Variants in MYO15B observed in about 807,000 individuals in gnomAD.
MYO15B encodes myosin XVB pseudogene.
In MYO15B, 207 loss-of-function variants were observed where a neutral mutation model predicts 119.3. The ratio of observed to expected loss-of-function variants is 1.73; its 90% CI spans 1.55 to 1.95. The LOEUF is 1.95. Ranked by LOEUF, MYO15B falls within the 30% of genes most tolerant of loss-of-function variation. MYO15B has a pLI of 0.00. For missense variants in MYO15B, 2,264 were observed against 1,203.1 expected, an observed-to-expected ratio of 1.88 and a Z score of -13.04; for synonymous variants, 966 against 498.9, an observed-to-expected ratio of 1.94 and a Z score of -12.48.
At chr17:75,614,270 G>C in exon 30 of MYO15B, 1 of 702,814 alleles carries the variant, frequency 1.4e-6, no homozygotes, top group Non-Finnish European at 2.6e-6. Context: ...GACTTGGCTG[G>C]CTGCGACTTT....
At chr17:75,626,545 A>G in exon 64 of MYO15B, 1 of 702,058 alleles carries the variant, frequency 1.4e-6, no homozygotes, top group South Asian at 1.5e-5. Flanking sequence ...TCTCACCCAC[A>G]TGGTCTGCCT....
chr17:75,614,142 GTCCT>G lies in MYO15B; in HGVS notation c.5220-55_5220-52del, dbSNP rs2058210535. The stretch of plus-strand genomic sequence containing the variant: ...CCCTGCCCCCTTGGCCCACCCTGTG[GTCCT>G]TGCCCCCTTCTGGATGGCCGCCTGC... On this transcript the variant is annotated intron_variant, in intron 29 of 63. Transcript: ENST00000645453. 4.3e-6 allele frequency: 3 copies of G among 691,272 alleles called. No homozygotes were observed. The Admixed American group carries it at 6.0e-5, about 14-fold the overall frequency. The allele number at this position is 691,272 out of a possible 1,614,324, so 42.8% of individuals were successfully genotyped here. A position where few individuals can be genotyped will look rare whatever the true frequency, so the allele number is the denominator to read the frequency against.
exon 1 of MYO15B, chr17:75,588,262 C>G: frequency 2.5e-6 from 1 of 398,244 alleles, no homozygotes; most frequent in Non-Finnish European, 4.4e-6. Flanking sequence ...CCGCAGGAAG[C>G]CCACTGCAGA....
In MYO15B at chr17:75,603,175, C is replaced by T. The variant is rs1376226896; in HGVS notation, c.3892-13C>T. On this transcript the variant is annotated splice_polypyrimidine_tract_variant and intron_variant, in intron 18 of 63. Coordinates refer to ENST00000645453, the Ensembl canonical transcript of MYO15B. ...TGACTCCAGCTGTCTTTGGCTCTGT[C>T]TTGTGGCCACAGCTTCCAGGCCTCT... The T allele has an allele frequency of 1.4e-6, 1 of 703,018 alleles. No homozygotes were observed. The highest frequency in any genetic ancestry group is 2.6e-6 in the Non-Finnish European group (1 of 385,024). 43.5% of individuals were successfully genotyped at this position (703,018 alleles called of 1,614,324 possible). A position where few individuals can be genotyped will look rare whatever the true frequency, so the allele number is the denominator to read the frequency against.
At chr17:75,626,347 C>CGG (rs943570578) in intron 63 of MYO15B, 60 bp from the exon 64 acceptor site, 29 of 701,686 alleles carry the variant, frequency 4.1e-5, no homozygotes, top group Middle Eastern at 4.6e-4. Flanking sequence ...TGCTGTGGGC[C>CGG]GGGGCAGAGG....
intron 50 of MYO15B, 22 bp from the exon 51 acceptor site, chr17:75,621,323 T>C (rs820184): frequency 0.35 from 242,618 of 690,402 alleles, 44,071 homozygotes; most frequent in Middle Eastern, 0.44. Flanking sequence ...CAAGCTGGGC[T>C]GTCTCCCTCT....
Position 75,624,364 on chromosome 17 carries a change from T to C in MYO15B, c.8368-6T>C. 1 of 702,654 alleles carries C rather than the reference T, an allele frequency of 1.4e-6. No individual in the cohort carries two copies. Among genetic ancestry groups the C allele is most frequent in the Non-Finnish European group, 2.6e-6 (1 of 384,994 alleles). 43.5% of individuals were successfully genotyped at this position (702,654 alleles called of 1,614,324 possible). A position where few individuals can be genotyped will look rare whatever the true frequency, so the allele number is the denominator to read the frequency against. On this transcript the variant is annotated splice_polypyrimidine_tract_variant and splice_region_variant and intron_variant, in intron 56 of 63. Coordinates refer to ENST00000645453, the Ensembl canonical transcript of MYO15B. The stretch of plus-strand genomic sequence containing the variant: ...GGCCGACTGACCCTGCAACCTGCCT[T>C]GGCAGAAAGGACAAGCGATTCGCCT...
chr17:75,602,362 C>T (rs2057338028), intron 15 of MYO15B, 155 bp from the exon 16 acceptor site: 1 of 700,104 alleles, frequency 1.4e-6, no homozygotes, highest in Non-Finnish European at 2.6e-6. Flanking sequence ...CAGTGGCAGA[C>T]CCAAGGCTAG....
intron 14 of MYO15B, among the ~76,000 whole-genome samples, chr17:75,599,010 A>T (rs2057068119): frequency 6.6e-6 from 1 of 152,188 alleles, no homozygotes; most frequent in Non-Finnish European, 1.5e-5. Context: ...TTGCTATTTT[A>T]TGTTCATTAG....
intron 19 of MYO15B, among the ~76,000 whole-genome samples, chr17:75,604,917 T>G (rs1181012050): frequency 6.6e-6 from 1 of 151,656 alleles, no homozygotes; most frequent in African/African-American, 2.4e-5. Context: ...GGCAGGCAGA[T>G]CACCTGAGGT....
Position 75,617,212 on chromosome 17 carries a change from A to G in MYO15B, c.6722A>G (p.Gln2241Arg), listed in dbSNP as rs987722984. The stretch of plus-strand genomic sequence containing the variant: ...GGGCCCCTTCTGGACCTGTTTGGCC[A>G]GAAGCTGCCTATTGCCCACACACCC... Residue 2241 changes from glutamine (Q) to arginine (R), a missense_variant, in exon 41 of 64, where the codon CAG becomes CGG. Transcript: ENST00000645453. 28 of 698,278 alleles carry G rather than the reference A, an allele frequency of 4.0e-5. No homozygotes were observed. In the East Asian group the frequency reaches 7.0e-4, roughly 17 times the overall value. The allele number at this position is 698,278 out of a possible 1,614,324, so 43.3% of individuals were successfully genotyped here. A position where few individuals can be genotyped will look rare whatever the true frequency, so the allele number is the denominator to read the frequency against.
intron 14 of MYO15B, among the ~76,000 whole-genome samples, chr17:75,598,880 C>T (rs1405307389): frequency 1.3e-5 from 2 of 152,066 alleles, no homozygotes; most frequent in African/African-American, 4.8e-5. Flanking sequence ...AGCAATATCA[C>T]TTAGGTCTAT....
intron 21 of MYO15B, 84 bp from the exon 22 acceptor site, chr17:75,610,082 T>G: frequency 3.5e-6 from 2 of 565,770 alleles, no homozygotes; most frequent in Non-Finnish European, 6.4e-6. Context: ...TTTACATGAA[T>G]GTCAGGCTTA....
exon 10 of MYO15B, chr17:75,594,490 G>A: frequency 1.7e-6 from 1 of 604,692 alleles, no homozygotes; most frequent in Non-Finnish European, 3.0e-6. Context: ...GTCCCAGGAG[G>A]TGGCTGCTGT....
At chr17:75,610,741 C>T (rs1380570653) in intron 22 of MYO15B, 159 bp from the exon 23 acceptor site, 1 of 622,706 alleles carries the variant, frequency 1.6e-6, no homozygotes, top group South Asian at 1.8e-5. Flanking sequence ...GGTGAGGGCC[C>T]TGGAGGGCCA....
At chr17:75,623,502 C>T (rs1309418352) in intron 53 of MYO15B, among the ~76,000 whole-genome samples, 22 of 152,054 alleles carry the variant, frequency 1.4e-4, no homozygotes, top group Admixed American at 1.2e-3. Flanking sequence ...TGGTGGCACG[C>T]GCCTATTAAT....
exon 51 of MYO15B, chr17:75,621,363 A>T (rs1044900609): frequency 1.4e-6 from 1 of 701,102 alleles, no homozygotes; most frequent in Non-Finnish European, 2.6e-6. Context: ...AGACTGATGG[A>T]GGTGCCGCAG....
intron 1 of MYO15B, 61 bp downstream of exon 1, chr17:75,590,304 C>T: frequency 2.5e-6 from 1 of 398,992 alleles, no homozygotes; most frequent in East Asian, 3.6e-5. Flanking sequence ...ATCCACCCTG[C>T]CCTCATCTTT....
chr17:75,598,416 A>C (rs2057013628), intron 14 of MYO15B, among the ~76,000 whole-genome samples: 1 of 151,654 alleles, frequency 6.6e-6, no homozygotes, highest in African/African-American at 2.4e-5. Context: ...GTCTCTACTA[A>C]AAATACAAAA....
Sources: gnomAD v4.1 joint callset for allele counts (sites outside exome capture counted in the v4.1 genomes callset) on GRCh38, gnomAD v4.1.1 for gene constraint, MANE v1.5 for transcripts, NCBI Gene and HGNC (gene_info 2026-07-23, HGNC 2026-07-21) for gene names.